The following CPLX4 variants were observed in gnomAD, a reference collection of about 807,000 sequenced individuals.
The protein encoded by CPLX4 is complexin 4.
Under a neutral mutation model 16.1 loss-of-function variants are expected in CPLX4, and 17 were observed. That is an observed-to-expected ratio of 1.06 (90% CI 0.72 to 1.59). CPLX4 has a LOEUF of 1.59. Ranked by LOEUF, CPLX4 falls within the 40% of genes most tolerant of loss-of-function variation. The pLI, the probability that CPLX4 is intolerant of heterozygous loss-of-function variation, is 0.00. For missense variants in CPLX4, 193 were observed against 192.9 expected, an observed-to-expected ratio of 1.00 and a Z score of 0.00; for synonymous variants, 55 against 57.8, an observed-to-expected ratio of 0.95 and a Z score of 0.22.
chr18:59,303,085 T>C (rs1032722590), intron 2 of CPLX4, among the ~76,000 whole-genome samples: 7 of 152,188 alleles, frequency 4.6e-5, no homozygotes, highest in Non-Finnish European at 1.0e-4. Flanking sequence ...CCACTCTCAC[T>C]GTCCTGGTTA....
At chr18:59,298,800 A>C (rs2070520397) in intron 2 of CPLX4, among the ~76,000 whole-genome samples, 1 of 152,156 alleles carries the variant, frequency 6.6e-6, no homozygotes, top group Non-Finnish European at 1.5e-5. Context: ...TCCAGTTCTA[A>C]CACTCTGTGG....
At chr18:59,297,060 G>A in intron 2 of CPLX4, 135 bp from the exon 3 acceptor site, 4 of 1,394,302 alleles carry the variant, frequency 2.9e-6, no homozygotes, top group South Asian at 1.5e-5. Flanking sequence ...TTGCAGCAGA[G>A]CCTGGTCCTG....
intron 2 of CPLX4, among the ~76,000 whole-genome samples, chr18:59,304,367 A>C (rs1430388237): frequency 3.3e-5 from 5 of 152,242 alleles, no homozygotes; most frequent in Admixed American, 1.3e-4. Flanking sequence ...TTTAGAAAGA[A>C]TCTTGTAGCT....
chr18:59,311,792 G>A (rs932730150), intron 2 of CPLX4, among the ~76,000 whole-genome samples: 3 of 152,136 alleles, frequency 2.0e-5, no homozygotes, highest in African/African-American at 7.2e-5. Context: ...GCAAGCCCTG[G>A]AATAGTACCT....
chr18:59,302,680 T>C (rs1372087461), intron 2 of CPLX4, among the ~76,000 whole-genome samples: 1 of 152,212 alleles, frequency 6.6e-6, no homozygotes, highest in Non-Finnish European at 1.5e-5. Context: ...CCTACCATTG[T>C]CATTTCCTGT....
At chr18:59,298,873 G>A (rs1014147006) in intron 2 of CPLX4, among the ~76,000 whole-genome samples, 6 of 152,204 alleles carry the variant, frequency 3.9e-5, no homozygotes. Context: ...CTTTGATTCG[G>A]TTCCCTGGGC....
In CPLX4 at chr18:59,296,382, A is replaced by G. The variant is rs895363308; in HGVS notation, c.*316T>C. 2 of 343,166 alleles carry G rather than the reference A, an allele frequency of 5.8e-6. No individual in the cohort carries two copies. The highest frequency in any genetic ancestry group is 4.5e-5 in the African/African-American group (2 of 44,830). 21.3% of individuals were successfully genotyped at this position (343,166 alleles called of 1,614,324 possible). ...TCCAAGGAAGAAAGTTGGAGAGGAA[A>G]TGCCCCTTGCTTTTGTTTCTTCCTG... On this transcript the variant is annotated 3_prime_UTR_variant, in exon 3 of 3. Coordinates refer to ENST00000299721, the MANE Select transcript of CPLX4 (RefSeq NM_181654.4).
chr18:59,301,405 G>T (rs1036746725), intron 2 of CPLX4, among the ~76,000 whole-genome samples: 1 of 152,240 alleles, frequency 6.6e-6, no homozygotes, highest in African/African-American at 2.4e-5. Flanking sequence ...CGATGGCTGT[G>T]GTCAGAGAGT....
intron 2 of CPLX4, among the ~76,000 whole-genome samples, chr18:59,311,588 G>C (rs2070617118): frequency 6.6e-6 from 1 of 152,186 alleles, no homozygotes; most frequent in Non-Finnish European, 1.5e-5. Flanking sequence ...ATGCCCTTTG[G>C]AGGGATCTTT....
intron 2 of CPLX4, among the ~76,000 whole-genome samples, chr18:59,299,152 C>T (rs1333856127): frequency 6.6e-6 from 1 of 152,212 alleles, no homozygotes; most frequent in Non-Finnish European, 1.5e-5. Flanking sequence ...TTAGGGGCTC[C>T]CAGCCAATTG....
chr18:59,307,636 A>G (rs761255521), intron 2 of CPLX4, among the ~76,000 whole-genome samples: 6 of 152,136 alleles, frequency 3.9e-5, no homozygotes, highest in Non-Finnish European at 7.4e-5. Context: ...GGGCTTGTCA[A>G]TCACATCTCT....
chr18:59,300,075 T>TA (rs1193210130), intron 2 of CPLX4, among the ~76,000 whole-genome samples: 5 of 152,242 alleles, frequency 3.3e-5, no homozygotes, highest in African/African-American at 9.6e-5. Context: ...CTCAAGCCAG[T>TA]AACCCCAGCT....
chr18:59,317,475 C>A (rs1372293541), intron 1 of CPLX4, among the ~76,000 whole-genome samples: 1 of 151,954 alleles, frequency 6.6e-6, no homozygotes, highest in East Asian at 1.9e-4. Flanking sequence ...CTATAATACC[C>A]AATTAAATGT....
chr18:59,309,841 AAG>A (rs1555670141), intron 2 of CPLX4, among the ~76,000 whole-genome samples: 1,151 of 74,908 alleles, frequency 0.015, 12 homozygotes, highest in Non-Finnish European at 0.021. Flanking sequence ...AAAAAAAAAA[AAG>A]AAAAAGAAAA....
chr18:59,302,270 T>C (rs1008272147), intron 2 of CPLX4, among the ~76,000 whole-genome samples: 4 of 152,190 alleles, frequency 2.6e-5, no homozygotes, highest in East Asian at 1.9e-4. Context: ...CCAGGAATAT[T>C]TGGACACAGT....
intron 2 of CPLX4, among the ~76,000 whole-genome samples, chr18:59,301,788 G>A (rs1377112447): frequency 1.3e-5 from 2 of 152,204 alleles, no homozygotes; most frequent in Non-Finnish European, 2.9e-5. Flanking sequence ...AGTTAGACAT[G>A]GGTTTGAGTC....
chr18:59,297,426 C>T (rs1390339129), intron 2 of CPLX4, among the ~76,000 whole-genome samples: 1 of 151,836 alleles, frequency 6.6e-6, no homozygotes, highest in Non-Finnish European at 1.5e-5. Context: ...TACAGGTGTG[C>T]ACCACCACAC....
At chr18:59,305,646 G>C (rs1025949646) in intron 2 of CPLX4, among the ~76,000 whole-genome samples, 18 of 152,200 alleles carry the variant, frequency 1.2e-4, no homozygotes, top group African/African-American at 4.3e-4. Context: ...GAATGAGCAA[G>C]TGAGTTTTGG....
chr18:59,301,987 C>T (rs1049821791), intron 2 of CPLX4, among the ~76,000 whole-genome samples: 2 of 152,210 alleles, frequency 1.3e-5, no homozygotes, highest in African/African-American at 4.8e-5. Context: ...AAGAGGGCAG[C>T]TCAGTGTCAA....
Sources: gnomAD v4.1 joint callset for allele counts (sites outside exome capture counted in the v4.1 genomes callset) on GRCh38, gnomAD v4.1.1 for gene constraint, MANE v1.5 for transcripts, NCBI Gene and HGNC (gene_info 2026-07-23, HGNC 2026-07-21) for gene names.